Variants in NELL1 observed in about 807,000 individuals in gnomAD.
NELL1 encodes neural EGFL like 1, also known as protein kinase C-binding protein NELL1.
A neutral mutation model predicts 107.4 loss-of-function variants in NELL1; 76 were observed. The ratio of observed to expected loss-of-function variants is 0.71; its 90% CI spans 0.59 to 0.86. The LOEUF is 0.86. Ranked by LOEUF, NELL1 falls within the 40% of genes least tolerant of loss-of-function variation. The pLI is 0.00. For synonymous variants in NELL1, 353 were observed against 341.2 expected (o/e 1.03, Z -0.38); for missense variants, 1,024 against 1,005.5 (o/e 1.02, Z -0.25).
At chr11:21,140,639 T>G (rs1421036552) in intron 13 of NELL1, among the ~76,000 whole-genome samples, 1 of 152,164 alleles carries the variant, frequency 6.6e-6, no homozygotes, top group African/African-American at 2.4e-5. Flanking sequence ...CATGGTAAAA[T>G]TTATCCAATT....
intron 14 of NELL1, among the ~76,000 whole-genome samples, chr11:21,241,516 C>G (rs977831120): frequency 1.3e-5 from 2 of 152,078 alleles, no homozygotes; most frequent in African/African-American, 4.8e-5. Context: ...CTGCTTGGTC[C>G]AGATGCTTCA....
At chr11:21,093,339 A>AT (rs906890470) in intron 12 of NELL1, among the ~76,000 whole-genome samples, 21 of 152,058 alleles carry the variant, frequency 1.4e-4, no homozygotes, top group Admixed American at 6.5e-4. Context: ...TGATTGATTG[A>AT]TTTTTTTTAT....
At chr11:21,498,984 C>T (rs1052586554) in intron 15 of NELL1, among the ~76,000 whole-genome samples, 1 of 151,980 alleles carries the variant, frequency 6.6e-6, no homozygotes, top group East Asian at 1.9e-4. Context: ...CATTCATTAA[C>T]ATTTTTCCTG....
rs1042380654 is a variant in NELL1, at chr11:20,733,024, C to T, written c.185-50656C>T. ...GGGTAAACTTAAACAGGTTATTTAA[C>T]CTTTCTAAGTCTCAATTTGTTCGAT... On this transcript the variant is annotated intron_variant, in intron 2 of 19. Coordinates refer to ENST00000357134, the MANE Select transcript of NELL1 (RefSeq NM_006157.5). Among the ~76,000 whole-genome samples, 11 of 152,240 alleles carry T rather than the reference C, an allele frequency of 7.2e-5. No individual in the cohort carries two copies. In the South Asian group the frequency reaches 2.1e-3, roughly 29 times the overall value.
chr11:21,138,744 C>T (rs1855799121), intron 13 of NELL1, among the ~76,000 whole-genome samples: 1 of 152,068 alleles, frequency 6.6e-6, no homozygotes, highest in South Asian at 2.1e-4. Flanking sequence ...GTTCAAATAA[C>T]AATCAAGTCA....
chr11:21,435,355 A>T (rs1247748137), intron 15 of NELL1, among the ~76,000 whole-genome samples: 9 of 151,762 alleles, frequency 5.9e-5, no homozygotes, highest in Admixed American at 4.6e-4. Context: ...GTTTGTGCAC[A>T]TTCCTTCAGT....
intron 2 of NELL1, among the ~76,000 whole-genome samples, chr11:20,766,179 C>T (rs1243535358): frequency 6.6e-6 from 1 of 152,190 alleles, no homozygotes; most frequent in Admixed American, 6.5e-5. Context: ...AATGACCCTT[C>T]CCTGGGCCCC....
intron 14 of NELL1, among the ~76,000 whole-genome samples, chr11:21,321,922 G>C (rs1850019668): frequency 6.6e-6 from 1 of 152,326 alleles, no homozygotes; most frequent in Non-Finnish European, 1.5e-5. Flanking sequence ...TATCTGAACT[G>C]TTAACTTCTA....
At chr11:20,802,292 G>A (rs1162214500) in intron 3 of NELL1, among the ~76,000 whole-genome samples, 4 of 151,958 alleles carry the variant, frequency 2.6e-5, no homozygotes, top group Non-Finnish European at 5.9e-5. Context: ...TTTCTGTATA[G>A]AGATCTTTCA....
intron 2 of NELL1, among the ~76,000 whole-genome samples, chr11:20,689,042 T>C (rs996458144): frequency 6.6e-6 from 1 of 152,176 alleles, no homozygotes; most frequent in Non-Finnish European, 1.5e-5. Flanking sequence ...TTTTTTCATA[T>C]GCTTATTGGC....
intron 13 of NELL1, among the ~76,000 whole-genome samples, chr11:21,211,900 A>G (rs1218584724): frequency 6.6e-6 from 1 of 152,068 alleles, no homozygotes; most frequent in Non-Finnish European, 1.5e-5. Context: ...ATCCCAGCTC[A>G]CTACAACCTC....
intron 12 of NELL1, among the ~76,000 whole-genome samples, chr11:20,977,264 ATT>A (rs558154042): frequency 0.14 from 18,307 of 130,694 alleles, 932 homozygotes; most frequent in Middle Eastern, 0.27. Flanking sequence ...AATTAAATCT[ATT>A]TTTTTTTTTT....
chr11:21,306,854 C>T (rs1274328768), intron 14 of NELL1, among the ~76,000 whole-genome samples: 2 of 152,024 alleles, frequency 1.3e-5, no homozygotes, highest in Non-Finnish European at 2.9e-5. Context: ...CCCAACTTTG[C>T]CATCATGAGC....
intron 15 of NELL1, among the ~76,000 whole-genome samples, chr11:21,399,289 G>T (rs1852044972): frequency 6.6e-6 from 1 of 151,658 alleles, no homozygotes; most frequent in African/African-American, 2.4e-5. Context: ...CTAGTATCTA[G>T]GCATTTTGTC....
intron 12 of NELL1, among the ~76,000 whole-genome samples, chr11:20,975,907 TATTATATAAACAC>T (rs773606193): frequency 1.6e-4 from 15 of 96,576 alleles, no homozygotes; most frequent in East Asian, 1.0e-3. Context: ...CATATATGTG[TATTATATAAACAC>T]ACATATATGT....
At chr11:20,867,887 A>C (rs954133870) in intron 4 of NELL1, among the ~76,000 whole-genome samples, 8 of 152,178 alleles carry the variant, frequency 5.3e-5, no homozygotes, top group Non-Finnish European at 8.8e-5. Flanking sequence ...AAGAGTCTCA[A>C]AATTCCATTT....
At chr11:21,498,618 C>G (rs912443883) in intron 15 of NELL1, among the ~76,000 whole-genome samples, 10 of 151,688 alleles carry the variant, frequency 6.6e-5, no homozygotes, top group Non-Finnish European at 7.4e-5. Flanking sequence ...AATTAATATT[C>G]TTACAGAAGT....
intron 15 of NELL1, among the ~76,000 whole-genome samples, chr11:21,447,739 G>C (rs951217574): frequency 3.3e-5 from 5 of 152,134 alleles, no homozygotes; most frequent in African/African-American, 4.8e-5. Context: ...TGCCTGGCTT[G>C]TATCTTACTT....
chr11:20,936,249 A>C (rs1173721665), intron 9 of NELL1, among the ~76,000 whole-genome samples: 1 of 152,166 alleles, frequency 6.6e-6, no homozygotes, highest in Non-Finnish European at 1.5e-5. Flanking sequence ...TCACCCATCA[A>C]GAGAACTTCA....
Sources: gnomAD v4.1 joint callset for allele counts (sites outside exome capture counted in the v4.1 genomes callset) on GRCh38, gnomAD v4.1.1 for gene constraint, MANE v1.5 for transcripts, NCBI Gene and HGNC (gene_info 2026-07-23, HGNC 2026-07-21) for gene names.